The following M1AP variants were observed in gnomAD, a reference collection of about 807,000 sequenced individuals.
M1AP encodes the protein meiosis 1 arrest protein.
M1AP carries 39 observed loss-of-function variants against 51.2 expected under a neutral mutation model. That is an observed-to-expected ratio of 0.76 (90% confidence interval 0.59 to 1.00). M1AP has a LOEUF of 1.00. M1AP is among the 50% of genes least tolerant of loss of function. M1AP has a pLI of 0.00. For synonymous variants in M1AP, 251 were observed against 249.2 expected (o/e 1.01, Z -0.07); for missense variants, 545 against 641.2 (o/e 0.85, Z 1.62).
At chr2:74,642,660 C>T (rs1347261780) in intron 1 of M1AP, among the ~76,000 whole-genome samples, 1 of 152,174 alleles carries the variant, frequency 6.6e-6, no homozygotes, top group African/African-American at 2.4e-5. Context: ...AGAAAACTGT[C>T]ATTGTGTGCC....
At chr2:74,589,643 A>G (rs1354661792) in intron 4 of M1AP, among the ~76,000 whole-genome samples, 1 of 152,052 alleles carries the variant, frequency 6.6e-6, no homozygotes, top group East Asian at 1.9e-4. Context: ...GTGGGGAAGG[A>G]GGGAAGAGGA....
At chr2:74,639,978 G>C in intron 2 of M1AP, 58 bp downstream of exon 2, 1 of 1,457,286 alleles carries the variant, frequency 6.9e-7, no homozygotes, top group Non-Finnish European at 9.6e-7. Context: ...CTCTATTCCA[G>C]AAACCTTACC....
intron 4 of M1AP, among the ~76,000 whole-genome samples, chr2:74,591,623 CA>C (rs1680041211): frequency 6.6e-6 from 1 of 152,056 alleles, no homozygotes; most frequent in East Asian, 1.9e-4. Context: ...AGAACCACAC[CA>C]AGCAGTTTTG....
At chr2:74,575,346 A>G in intron 7 of M1AP, 92 bp downstream of exon 7, 1 of 1,573,180 alleles carries the variant, frequency 6.4e-7, no homozygotes, top group Non-Finnish European at 8.6e-7. Flanking sequence ...GTTGAGGCAG[A>G]TTTAGGATTG....
chr2:74,567,703 T>C (rs1332859301), intron 7 of M1AP, among the ~76,000 whole-genome samples: 1 of 152,262 alleles, frequency 6.6e-6, no homozygotes, highest in African/African-American at 2.4e-5. Flanking sequence ...AAATTAAAAA[T>C]ACGTGAATAA....
At chr2:74,608,223 TC>T (rs1681129830) in intron 3 of M1AP, among the ~76,000 whole-genome samples, 1 of 152,200 alleles carries the variant, frequency 6.6e-6, no homozygotes, top group African/African-American at 2.4e-5. Flanking sequence ...CTAAGAATCC[TC>T]TCTGCTCTAT....
chr2:74,565,537 A>C (rs1274415772), intron 7 of M1AP, among the ~76,000 whole-genome samples: 1 of 152,116 alleles, frequency 6.6e-6, no homozygotes, highest in African/African-American at 2.4e-5. Context: ...ATGGAGAAAA[A>C]ACATTTGGCA....
rs538986265 is a variant in M1AP, at chr2:74,622,966, A to C, written c.241-7817T>G. 3.7e-3 allele frequency among the ~76,000 whole-genome samples: 565 copies of C among 151,806 alleles called. 3 individuals carry two copies. The highest frequency in any genetic ancestry group is 6.6e-3 in the Non-Finnish European group (448 of 67,946). ...AAAAAAAAATAGAGTGGAAAAAAAA[A>C]AAACAAACCCAAAATCAGATAGTAA... is the stretch of plus-strand genomic sequence containing the variant. On this transcript the variant is annotated intron_variant, in intron 2 of 10. Coordinates refer to ENST00000421985, the MANE Select transcript of M1AP (RefSeq NM_001321739.2).
chr2:74,645,331 C>T (rs1683543113), intron 1 of M1AP, among the ~76,000 whole-genome samples: 1 of 152,176 alleles, frequency 6.6e-6, no homozygotes, highest in Non-Finnish European at 1.5e-5. Flanking sequence ...CCAGGGTCCG[C>T]GGCTTCATTC....
intron 4 of M1AP, among the ~76,000 whole-genome samples, chr2:74,587,196 T>C (rs1157946189): frequency 1.3e-5 from 2 of 151,828 alleles, no homozygotes; most frequent in East Asian, 1.9e-4. Context: ...ATTTTCCTTT[T>C]TTTTTTTTCT....
intron 7 of M1AP, among the ~76,000 whole-genome samples, chr2:74,573,684 C>T (rs1289928401): frequency 6.6e-6 from 1 of 152,074 alleles, no homozygotes; most frequent in Non-Finnish European, 1.5e-5. Context: ...CTACTTAGGA[C>T]ATTTGAGTTG....
Position 74,562,226 on chromosome 2 carries a change from C to T in M1AP, c.1272G>A (p.Lys424=). Residue 424 remains lysine, a synonymous_variant, in exon 8 of 11, where the codon AAG becomes AAA. Transcript: ENST00000421985. The part of the protein sequence containing the change: ...LPEDPHDDSL[K]NVESMLDSLE... Reference sequence around the variant, plus strand: ...TCTGGGCTCCACTTGCCTCCACATTCTTAAGGCTATCATCATGTGGGTCCT... The same window carrying T: ...TCTGGGCTCCACTTGCCTCCACATTTTTAAGGCTATCATCATGTGGGTCCT... 6.2e-7 allele frequency: 1 copy of T among 1,611,538 alleles called. No individual in the cohort carries two copies. Among genetic ancestry groups the T allele is most frequent in the Non-Finnish European group, 8.5e-7 (1 of 1,178,358 alleles).
intron 2 of M1AP, among the ~76,000 whole-genome samples, chr2:74,626,670 A>G (rs1420295661): frequency 3.3e-5 from 5 of 152,122 alleles, no homozygotes; most frequent in East Asian, 1.9e-4. Context: ...GTTTATTTTT[A>G]TACTTTGCTC....
chr2:74,605,456 T>C (rs1680915381), intron 4 of M1AP, among the ~76,000 whole-genome samples: 1 of 152,224 alleles, frequency 6.6e-6, no homozygotes, highest in South Asian at 2.1e-4. Context: ...GTGTGGATGT[T>C]GTTTTTTAAT....
At chr2:74,565,222 C>CAA (rs564862499) in intron 7 of M1AP, among the ~76,000 whole-genome samples, 16 of 128,172 alleles carry the variant, frequency 1.2e-4, no homozygotes, top group African/African-American at 4.3e-4. Flanking sequence ...GACTCCATCT[C>CAA]AAAAAAAAAA....
At chr2:74,631,713 G>A (rs919929820) in intron 2 of M1AP, among the ~76,000 whole-genome samples, 1 of 151,952 alleles carries the variant, frequency 6.6e-6, no homozygotes, top group African/African-American at 2.4e-5. Context: ...TGTTTTGAGG[G>A]GAAATGAATC....
chr2:74,568,886 G>T (rs1251061354), intron 7 of M1AP, among the ~76,000 whole-genome samples: 3 of 152,186 alleles, frequency 2.0e-5, no homozygotes, highest in Non-Finnish European at 4.4e-5. Context: ...AGTGAAACAG[G>T]ATGCTCAGCC....
intron 4 of M1AP, among the ~76,000 whole-genome samples, chr2:74,604,667 A>G (rs564612449): frequency 2.0e-5 from 3 of 152,298 alleles, no homozygotes; most frequent in African/African-American, 4.8e-5. Flanking sequence ...CGGGGGTTGG[A>G]GATCCCTGCT....
rs926950925 is a variant in M1AP, at chr2:74,640,134, A to T, written c.142T>A (p.Phe48Ile). 4.3e-6 allele frequency: 7 copies of T among 1,614,046 alleles called. No homozygotes were observed. The highest frequency in any genetic ancestry group is 4.0e-5 in the African/African-American group (3 of 74,926). The change falls in exon 2 of 11, where the codon TTC becomes ATC. Residue 48 changes from phenylalanine to isoleucine, a missense_variant. Physicochemically the swap from Phe to Ile is conservative, Grantham distance 21 (BLOSUM62 0). Transcript: ENST00000421985. The part of the protein sequence containing the change: ...CTNLCEALQN[F>I]FSLACSLMGP... ...ATCAAGCTGCAGGCTAGAGAGAAGA[A>T]GTTCTGCAGAGCCTCACAGAGGTTG...
Sources: allele counts gnomAD v4.1 joint callset (sites outside exome capture counted in the v4.1 genomes callset), GRCh38; gene constraint gnomAD v4.1.1; transcripts MANE v1.5; gene names NCBI Gene and HGNC (gene_info 2026-07-23, HGNC 2026-07-21).